PRICKLE1: variants seen among roughly 807,000 people sequenced by gnomAD.
PRICKLE1 encodes prickle planar cell polarity protein 1, also known as prickle-like protein 1.
Under a neutral mutation model 70.2 loss-of-function variants are expected in PRICKLE1, and 14 were observed. The observed-to-expected ratio is 0.20, with a 90% CI of 0.13 to 0.31. The LOEUF is 0.31. PRICKLE1 is among the 10% of genes least tolerant of loss of function. PRICKLE1 has a pLI of 1.00. For synonymous variants in PRICKLE1, 357 were observed against 379.9 expected, an observed-to-expected ratio of 0.94 and a Z score of 0.70; for missense variants, 821 against 1,026.2, an observed-to-expected ratio of 0.80 and a Z score of 2.73.
chr12:42,482,489 AAC>A (rs1938829304), intron 1 of PRICKLE1, among the ~76,000 whole-genome samples: 1 of 152,182 alleles, frequency 6.6e-6, no homozygotes, highest in African/African-American at 2.4e-5. Context: ...TTCTATTTTC[AAC>A]AGTGGCCCGA....
chr12:42,528,638 C>T (rs1339573268), intron 1 of PRICKLE1, among the ~76,000 whole-genome samples: 1 of 152,122 alleles, frequency 6.6e-6, no homozygotes, highest in Non-Finnish European at 1.5e-5. Context: ...TTGTATTAAA[C>T]ATGTGAACCA....
chr12:42,498,228 G>C (rs575831815), intron 1 of PRICKLE1, among the ~76,000 whole-genome samples: 1 of 149,438 alleles, frequency 6.7e-6, no homozygotes, highest in South Asian at 2.1e-4. Context: ...GCTAGAATGC[G>C]GTGGTGCGAT....
At chr12:42,558,062 T>A (rs1239434608) in intron 1 of PRICKLE1, among the ~76,000 whole-genome samples, 1 of 152,174 alleles carries the variant, frequency 6.6e-6, no homozygotes, top group African/African-American at 2.4e-5. Context: ...TATCTAGTTG[T>A]CTTTAAAACT....
rs1477936981 is a variant in PRICKLE1 at position 42,459,895 on chromosome 12, C to T, written c.2410G>A (p.Ala804Thr). 6.2e-7 allele frequency: 1 copy of T among 1,614,104 alleles called. No individual in the cohort carries two copies. The highest frequency in any genetic ancestry group is 1.7e-5 in the Admixed American group (1 of 60,004). ...YTDDLSSPPS[A>T]LPTPQFGQRT... Reference sequence around the variant, plus strand: ...TGACCAAACTGAGGGGTGGGAAGTGCAGATGGTGGACTAGAAAGGTCATCT... The same window carrying T: ...TGACCAAACTGAGGGGTGGGAAGTGTAGATGGTGGACTAGAAAGGTCATCT... Residue 804 changes from alanine to threonine, a missense_variant, in exon 8 of 8, where the codon GCA becomes ACA. By Grantham distance (58) the Ala-to-Thr change is moderately conservative (BLOSUM62 0). Coordinates refer to ENST00000345127, the MANE Select transcript of PRICKLE1 (RefSeq NM_153026.3).
chr12:42,583,151 G>A (rs1186693431), intron 1 of PRICKLE1, among the ~76,000 whole-genome samples: 1 of 12,560 alleles, frequency 8.0e-5, no homozygotes, highest in Non-Finnish European at 1.8e-4. Flanking sequence ...ATTGAAACGT[G>A]TGTGTGTGTG....
In PRICKLE1 at chr12:42,459,105, C is replaced by T. The variant is rs1296675050; in HGVS notation, c.*704G>A. Reference sequence around the variant, plus strand: ...TTCTGGTTCCCTGGCAAATCTAGCACTGCAGCGTAACAAACGGCTTACAAT... The same window carrying T: ...TTCTGGTTCCCTGGCAAATCTAGCATTGCAGCGTAACAAACGGCTTACAAT... On this transcript the variant is annotated 3_prime_UTR_variant, in exon 8 of 8. Transcript: ENST00000345127. 1.4e-5 allele frequency: 7 copies of T among 488,106 alleles called. No homozygotes were observed. The highest frequency in any genetic ancestry group is 2.6e-5 in the Non-Finnish European group (7 of 273,630). The allele number at this position is 488,106 out of a possible 1,614,324, so 30.2% of individuals were successfully genotyped here.
intron 1 of PRICKLE1, among the ~76,000 whole-genome samples, chr12:42,475,805 AAAT>A (rs1212239653): frequency 6.6e-6 from 1 of 152,050 alleles, no homozygotes; most frequent in African/African-American, 2.4e-5. Flanking sequence ...AACATTAAAA[AAAT>A]GTTGGCTGGG....
chr12:42,544,952 G>A (rs1940181586), intron 1 of PRICKLE1, among the ~76,000 whole-genome samples: 1 of 150,654 alleles, frequency 6.6e-6, no homozygotes, highest in Non-Finnish European at 1.5e-5. Flanking sequence ...CTTTGCAGGA[G>A]AAGTGGAAAA....
intron 7 of PRICKLE1, among the ~76,000 whole-genome samples, chr12:42,463,222 C>G (rs1283039415): frequency 6.6e-6 from 1 of 152,012 alleles, no homozygotes; most frequent in Non-Finnish European, 1.5e-5. Flanking sequence ...ACTCAGGAAC[C>G]TGAGAGGCAG....
chr12:42,472,343 A>G, intron 2 of PRICKLE1, 42 bp downstream of exon 2: 1 of 1,611,996 alleles, frequency 6.2e-7, no homozygotes, highest in South Asian at 1.1e-5. Flanking sequence ...CTGAACTCAC[A>G]CTGAAAAACA....
intron 1 of PRICKLE1, among the ~76,000 whole-genome samples, chr12:42,495,361 A>T (rs1257460132): frequency 2.7e-5 from 4 of 148,082 alleles, no homozygotes; most frequent in Non-Finnish European, 4.5e-5. Context: ...AGCCTAAGTG[A>T]CAAAGCCAGA....
At chr12:42,545,112 T>C (rs1041707394) in intron 1 of PRICKLE1, among the ~76,000 whole-genome samples, 1 of 152,086 alleles carries the variant, frequency 6.6e-6, no homozygotes, top group Non-Finnish European at 1.5e-5. Context: ...CGAGTGATCC[T>C]CCTGCTTCAG....
intron 1 of PRICKLE1, among the ~76,000 whole-genome samples, chr12:42,540,228 AATGTT>A (rs1269348831): frequency 8.5e-5 from 13 of 152,350 alleles, no homozygotes; most frequent in African/African-American, 3.1e-4. Flanking sequence ...TAACTGATAG[AATGTT>A]TCCCTCAGGA....
At chr12:42,533,922 A>G (rs1039722298) in intron 1 of PRICKLE1, among the ~76,000 whole-genome samples, 1 of 152,128 alleles carries the variant, frequency 6.6e-6, no homozygotes, top group African/African-American at 2.4e-5. Context: ...TTTTCTCTCA[A>G]TATTCCCCCA....
intron 1 of PRICKLE1, among the ~76,000 whole-genome samples, chr12:42,490,893 A>G (rs1939087777): frequency 6.6e-6 from 1 of 151,974 alleles, no homozygotes. Flanking sequence ...TTTTTGAGAC[A>G]TAGTCTTAAC....
intron 2 of PRICKLE1, among the ~76,000 whole-genome samples, chr12:42,471,818 AACAAT>A (rs1938332189): frequency 1.3e-5 from 2 of 152,218 alleles, no homozygotes; most frequent in Non-Finnish European, 2.9e-5. Flanking sequence ...TCCCTAAAAT[AACAAT>A]ACAAACAAAG....
chr12:42,486,675 T>C (rs541517626), intron 1 of PRICKLE1, among the ~76,000 whole-genome samples: 20 of 152,370 alleles, frequency 1.3e-4, no homozygotes, highest in African/African-American at 3.8e-4. Flanking sequence ...GTTGTGTATA[T>C]AGTGACCCTG....
At chr12:42,572,245 C>T (rs1940728282) in intron 1 of PRICKLE1, among the ~76,000 whole-genome samples, 3 of 151,564 alleles carry the variant, frequency 2.0e-5, no homozygotes, top group African/African-American at 7.3e-5. Context: ...ACCAGCCTGG[C>T]CAACATGGTG....
intron 1 of PRICKLE1, among the ~76,000 whole-genome samples, chr12:42,586,699 T>C (rs1940991960): frequency 6.6e-6 from 1 of 152,240 alleles, no homozygotes; most frequent in African/African-American, 2.4e-5. Context: ...GAAAATACTT[T>C]GTAAAGATTC....
Sources: gnomAD v4.1 joint callset for allele counts (sites outside exome capture counted in the v4.1 genomes callset) on GRCh38, gnomAD v4.1.1 for gene constraint, MANE v1.5 for transcripts, NCBI Gene and HGNC (gene_info 2026-07-23, HGNC 2026-07-21) for gene names.